CCNT2: variants seen among roughly 807,000 people sequenced by gnomAD.
The protein encoded by CCNT2 is cyclin-T2.
CCNT2 carries 18 observed loss-of-function variants against 70.0 expected under a neutral mutation model. That is an observed-to-expected ratio of 0.26 (90% CI 0.18 to 0.38). The LOEUF (loss-of-function observed/expected upper bound fraction) is 0.38. CCNT2 is among the 10% of genes least tolerant of loss of function. The pLI is 1.00. For synonymous variants in CCNT2, 334 were observed against 313.3 expected (o/e 1.07, Z -0.70); for missense variants, 734 against 890.2 (o/e 0.82, Z 2.23).
At chr2:134,943,109 G>A in intron 5 of CCNT2, 1 of 985,188 alleles carries the variant, frequency 1.0e-6, no homozygotes, top group Middle Eastern at 5.2e-4. Flanking sequence ...AATTGCCTTT[G>A]TTAAAAGATT....
intron 2 of CCNT2, among the ~76,000 whole-genome samples, chr2:134,926,053 CAG>C (rs908109470): frequency 6.6e-6 from 1 of 151,632 alleles, no homozygotes; most frequent in Non-Finnish European, 1.5e-5. Context: ...TTTGTAGAGA[CAG>C]GGGTCTCACC....
intron 3 of CCNT2, among the ~76,000 whole-genome samples, chr2:134,937,878 C>T (rs945851933): frequency 6.6e-6 from 1 of 152,168 alleles, no homozygotes; most frequent in African/African-American, 2.4e-5. Context: ...CGTGCCATTG[C>T]ACTCTAGCCT....
intron 2 of CCNT2, among the ~76,000 whole-genome samples, chr2:134,921,923 C>G (rs1679939432): frequency 6.6e-6 from 1 of 152,088 alleles, no homozygotes; most frequent in Non-Finnish European, 1.5e-5. Flanking sequence ...CTGTTCATTT[C>G]TGTTTTGAGA....
At chr2:134,930,360 T>A (rs1206807449) in intron 2 of CCNT2, among the ~76,000 whole-genome samples, 1 of 152,254 alleles carries the variant, frequency 6.6e-6, no homozygotes, top group African/African-American at 2.4e-5. Context: ...CATGTGGCTG[T>A]ACCTCTTTTT....
At position 134,919,030 on chromosome 2, in the gene CCNT2, C is replaced by T. The variant is rs1303685674; in HGVS notation, c.158+18C>T. The T allele has an allele frequency of 5.1e-6, 8 of 1,583,768 alleles. No homozygotes were observed. Among genetic ancestry groups the T allele is most frequent in the Non-Finnish European group, 6.9e-6 (8 of 1,163,354 alleles). The stretch of plus-strand genomic sequence containing the variant: ...CTCAATGTGTATCCTTTTCTGTTCG[C>T]CGCCGCTCACGCCCTGTTTCCCTTG... On this transcript the variant is annotated intron_variant, in intron 1 of 8. Coordinates refer to ENST00000264157, the MANE Select transcript of CCNT2 (RefSeq NM_058241.3).
chr2:134,919,790 T>C lies in CCNT2; in HGVS notation c.159-20T>C. On this transcript the variant is annotated intron_variant, in intron 1 of 8. Coordinates refer to ENST00000264157, the MANE Select transcript of CCNT2 (RefSeq NM_058241.3). ...TGAGATCTTGCTTTTGTCAGATATTTCCTAAATATTACGTTCCAGCTCTCA... is the reference window on the plus strand; with the variant it reads ...TGAGATCTTGCTTTTGTCAGATATTCCCTAAATATTACGTTCCAGCTCTCA... 2.5e-6 allele frequency: 4 copies of C among 1,580,224 alleles called. No homozygotes were observed. The highest frequency in any genetic ancestry group is 3.5e-6 in the Non-Finnish European group (4 of 1,154,752).
At chr2:134,943,182 C>T in intron 5 of CCNT2, 2 of 773,410 alleles carry the variant, frequency 2.6e-6, no homozygotes, top group Non-Finnish European at 1.6e-6. Flanking sequence ...AGGCTGATCG[C>T]TTGAGCTCAG....
rs1053707433 is a variant in CCNT2, at chr2:134,918,827, T to G, written c.-28T>G. On this transcript the variant is annotated 5_prime_UTR_variant, in exon 1 of 9. It removes an upstream start codon present in the reference 5' UTR. Transcript: ENST00000264157. ...CGAGCCAGGAGGGGCGGGGGGTGAA[T>G]GAAGGAGCGGGCGGAGGAGGAAGTG... 4 of 1,599,784 alleles carry G rather than the reference T, an allele frequency of 2.5e-6. No individual in the cohort carries two copies. Among genetic ancestry groups the G allele is most frequent in the Non-Finnish European group, 3.4e-6 (4 of 1,171,160 alleles).
intron 5 of CCNT2, chr2:134,943,290 A>G (rs1324613336): frequency 7.7e-6 from 3 of 388,418 alleles, no homozygotes; most frequent in Non-Finnish European, 1.1e-5. Flanking sequence ...AGTCTCAACT[A>G]TTCAGGAGGC....
chr2:134,955,022 GTTTTC>G lies in CCNT2; in HGVS notation c.*379_*383del, dbSNP rs892414663. 15 of 179,400 alleles carry G rather than the reference GTTTTC, an allele frequency of 8.4e-5. No homozygotes were observed. The highest frequency in any genetic ancestry group is 2.1e-4 in the African/African-American group (9 of 42,112). 11.1% of individuals were successfully genotyped at this position (179,400 alleles called of 1,614,324 possible). A position where few individuals can be genotyped will look rare whatever the true frequency, so the allele number is the denominator to read the frequency against. On this transcript the variant is annotated 3_prime_UTR_variant, in exon 9 of 9. Transcript: ENST00000264157. ...CTTGGCTTTTGAATGAGTGTAAATT[GTTTTC>G]TTTTGTGTATTTATACTTGTATGTA...
intron 2 of CCNT2, among the ~76,000 whole-genome samples, chr2:134,929,613 C>CAGAGAGAGAAAGAGAGAGAGAGAG (rs1680576742): frequency 1.7e-5 from 2 of 117,620 alleles, no homozygotes; most frequent in African/African-American, 3.6e-5. Context: ...GTCTCAAAAA[C>CAGAGAGAGAAAGAGAGAGAGAGAG]AGAGAGAGAG....
intron 2 of CCNT2, among the ~76,000 whole-genome samples, chr2:134,928,845 CT>C (rs1007231869): frequency 1.3e-5 from 2 of 152,054 alleles, no homozygotes; most frequent in Non-Finnish European, 2.9e-5. Context: ...AGAGAAAATT[CT>C]GAGGGTTTGG....
At chr2:134,934,483 T>G (rs1681009370) in intron 2 of CCNT2, among the ~76,000 whole-genome samples, 1 of 152,244 alleles carries the variant, frequency 6.6e-6, no homozygotes, top group Non-Finnish European at 1.5e-5. Flanking sequence ...TGGAATTCTT[T>G]TAAGCCTCAC....
chr2:134,921,129 G>A (rs1374010428), intron 2 of CCNT2, among the ~76,000 whole-genome samples: 1 of 152,078 alleles, frequency 6.6e-6, no homozygotes, highest in Non-Finnish European at 1.5e-5. Context: ...TTAGATTAAG[G>A]GAATTCATTA....
Position 134,954,257 on chromosome 2 carries a change from G to A in CCNT2, c.1802G>A (p.Ser601Asn). 6.2e-7 allele frequency: 1 copy of A among 1,614,190 alleles called. No homozygotes were observed. The highest frequency in any genetic ancestry group is 8.5e-7 in the Non-Finnish European group (1 of 1,180,036). Residue 601 changes from serine (S) to asparagine (N), a missense_variant, in exon 9 of 9, where the codon AGT becomes AAT. By Grantham distance (46) the Ser-to-Asn change is conservative. Coordinates refer to ENST00000264157, the MANE Select transcript of CCNT2 (RefSeq NM_058241.3). The part of the protein sequence containing the change: ...ADGIPPTVLR[S>N]PVGLSSDGIS... Reference sequence around the variant, plus strand: ...GGAATACCACCCACTGTTCTGAGGAGTCCTGTTGGCCTGAGCAGTGATGGC... The same window carrying A: ...GGAATACCACCCACTGTTCTGAGGAATCCTGTTGGCCTGAGCAGTGATGGC...
chr2:134,935,683 CCA>C (rs1681096055), intron 2 of CCNT2, among the ~76,000 whole-genome samples: 1 of 152,166 alleles, frequency 6.6e-6, no homozygotes, highest in East Asian at 1.9e-4. Context: ...TTTTCTAAGT[CCA>C]CAGTTACTTG....
chr2:134,942,527 G>A, intron 4 of CCNT2, 85 bp from the exon 5 acceptor site: 2 of 757,692 alleles, frequency 2.6e-6, no homozygotes, highest in Non-Finnish European at 4.0e-6. Flanking sequence ...TCTTAATAAT[G>A]AAGAATATAT....
At chr2:134,919,971 T>A in intron 2 of CCNT2, 80 bp downstream of exon 2, 2 of 926,140 alleles carry the variant, frequency 2.2e-6, no homozygotes, top group Non-Finnish European at 3.5e-6. Context: ...GTCATTGCGT[T>A]GTTGGATTTA....
rs1682680308 is a variant in CCNT2 at position 134,953,428 on chromosome 2, A to T, written c.973A>T (p.Ser325Cys). 1 of 1,611,576 alleles carries T rather than the reference A, an allele frequency of 6.2e-7. No homozygotes were observed. The highest frequency in any genetic ancestry group is 2.2e-5 in the East Asian group (1 of 44,648). The change falls in exon 9 of 9, where the codon AGC becomes TGC. Residue 325 changes from serine to cysteine, a missense_variant. By Grantham distance (112) the Ser-to-Cys change is moderately radical. Coordinates refer to ENST00000264157, the MANE Select transcript of CCNT2 (RefSeq NM_058241.3). The part of the protein sequence containing the change: ...LNSGNISVQD[S>C]HTSDNLSMLA... Reference sequence around the variant, plus strand: ...TTCAGGAAATATTTCTGTTCAAGACAGCCATACATCTGATAATTTGTCAAT... The same window carrying T: ...TTCAGGAAATATTTCTGTTCAAGACTGCCATACATCTGATAATTTGTCAAT...
Sources: gnomAD v4.1 joint callset for allele counts (sites outside exome capture counted in the v4.1 genomes callset) on GRCh38, gnomAD v4.1.1 for gene constraint, MANE v1.5 for transcripts, NCBI Gene and HGNC (gene_info 2026-07-23, HGNC 2026-07-21) for gene names.